The following SNRNP200 variants were observed in gnomAD, a reference collection of about 807,000 sequenced individuals.
SNRNP200 encodes U5 small nuclear ribonucleoprotein 200 kDa helicase.
In SNRNP200, 66 loss-of-function variants were observed where a neutral mutation model predicts 255.2. The observed-to-expected ratio is 0.26, with a 90% CI of 0.21 to 0.32. The LOEUF (loss-of-function observed/expected upper bound fraction) is 0.32. Ranked by LOEUF, SNRNP200 falls within the 10% of genes least tolerant of loss-of-function variation. SNRNP200 has a pLI of 1.00. For missense variants in SNRNP200, 1,585 were observed against 2,749.8 expected (o/e 0.58, Z 9.47); for synonymous variants, 939 against 1,027.8 (o/e 0.91, Z 1.65).
chr2:96,274,933 C>T lies in SNRNP200; in HGVS notation c.*79G>A. On this transcript the variant is annotated 3_prime_UTR_variant, in exon 45 of 45. Coordinates refer to ENST00000323853, the MANE Select transcript of SNRNP200 (RefSeq NM_014014.5). ...ACCTGAGGCCCACAGACCTGGTCCC[C>T]ACAACCAGGATTCCTACAATGTACA... 3 of 1,565,372 alleles carry T rather than the reference C, an allele frequency of 1.9e-6. No individual in the cohort carries two copies. The highest frequency in any genetic ancestry group is 2.6e-6 in the Non-Finnish European group (3 of 1,140,044).
chr2:96,305,244 C>A, intron 1 of SNRNP200, 149 bp downstream of exon 1: 1 of 1,067,510 alleles, frequency 9.4e-7, no homozygotes, highest in South Asian at 1.3e-5. Flanking sequence ...TTATTCACGT[C>A]ATCGTATAAC....
chr2:96,279,877 T>C, intron 35 of SNRNP200: 1 of 335,016 alleles, frequency 3.0e-6, no homozygotes, highest in Non-Finnish European at 5.8e-6. Context: ...TTCCCAAACT[T>C]TTCTCCTTTA....
rs1031745610 is a variant in SNRNP200 at position 96,283,463 on chromosome 2, A to G, written c.4763+72T>C. On this transcript the variant is annotated intron_variant, in intron 33 of 44. Transcript: ENST00000323853. The surrounding 1 kb of genome is among the most constrained non-coding windows in gnomAD (Gnocchi z 4.7). ...AACATGGGCTAACCCCACCCTCATA[A>G]AGAGGACACCCTTGGAGTAGGCCAG... is the stretch of plus-strand genomic sequence containing the variant. 1.2e-6 allele frequency: 2 copies of G among 1,612,806 alleles called. No homozygotes were observed. The highest frequency in any genetic ancestry group is 2.2e-5 in the South Asian group (2 of 91,004).
chr2:96,288,393 C>T (rs896326013), intron 24 of SNRNP200, among the ~76,000 whole-genome samples: 1 of 152,198 alleles, frequency 6.6e-6, no homozygotes, highest in Non-Finnish European at 1.5e-5. Flanking sequence ...GGGAAGCAGA[C>T]ACTGCGTGCT....
chr2:96,304,708 G>A lies in SNRNP200; in HGVS notation c.206C>T (p.Ala69Val). 6.2e-7 allele frequency: 1 copy of A among 1,614,052 alleles called. No individual in the cohort carries two copies. Among genetic ancestry groups the A allele is most frequent in the Non-Finnish European group, 8.5e-7 (1 of 1,179,952 alleles). ...ATAGTATCCCCTTGGCACTCACTTGGCTCTTCTTTCCTCCTGCATCTGCGG... is the reference window on the plus strand; with the variant it reads ...ATAGTATCCCCTTGGCACTCACTTGACTCTTCTTTCCTCCTGCATCTGCGG... Reference protein sequence around the residue: ...TKPQMQEERRAKRRKRDEDRH... With the variant: ...TKPQMQEERRVKRRKRDEDRH... Residue 69 changes from alanine to valine, a missense_variant, in exon 2 of 45, where the codon GCC becomes GTC. Physicochemically the swap from Ala to Val is moderately conservative, Grantham distance 64. Coordinates refer to ENST00000323853, the MANE Select transcript of SNRNP200 (RefSeq NM_014014.5).
At chr2:96,285,520 C>G in intron 29 of SNRNP200, 180 bp from the exon 30 acceptor site, 1 of 665,048 alleles carries the variant, frequency 1.5e-6, no homozygotes, top group South Asian at 1.7e-5. Flanking sequence ...ACTGTACCCC[C>G]TTACCTGCTC....
chr2:96,289,314 G>A lies in SNRNP200; in HGVS notation c.3006C>T (p.Asn1002=). The change falls in exon 22 of 45, where the codon AAC becomes AAT. Residue 1002 remains asparagine (N), a synonymous_variant. Transcript: ENST00000323853. ...YITNDTVQTY[N]QLLKPTLSEI... is the part of the protein sequence containing the mutation. The stretch of plus-strand genomic sequence containing the variant: ...CACTCAGGGTGGGCTTCAGCAGCTG[G>A]TTGTAAGTCTGCACTGTATCATTGG... The A allele has an allele frequency of 6.2e-7, 1 of 1,614,204 alleles. No homozygotes were observed. Among genetic ancestry groups the A allele is most frequent in the Non-Finnish European group, 8.5e-7 (1 of 1,180,024 alleles).
chr2:96,279,832 A>C, intron 35 of SNRNP200: 1 of 397,236 alleles, frequency 2.5e-6, no homozygotes, highest in Non-Finnish European at 4.7e-6. Flanking sequence ...AACCAAAATA[A>C]CTCCCTATTC....
At position 96,295,544 on chromosome 2, in the gene SNRNP200, T is replaced by G; in HGVS notation, c.1786A>C (p.Ile596Leu). ...IVCTPEKWDI[I>L]TRKGGERTYT... ...GTGCGCTCACCACCCTTGCGGGTGA[T>G]GATGTCCCACTTCTCGGGGGTGCAG... Residue 596 changes from isoleucine (I) to leucine (L), a missense_variant, in exon 14 of 45, where the codon ATC becomes CTC. Ile to Leu is a conservative substitution (Grantham distance 5). This residue lies in a region of SNRNP200 where 56 missense variants were observed against 77.4 expected (regional missense o/e 0.72). Transcript: ENST00000323853. 6.2e-7 allele frequency: 1 copy of G among 1,613,824 alleles called. No individual in the cohort carries two copies. Among genetic ancestry groups the G allele is most frequent in the South Asian group, 1.1e-5 (1 of 91,062 alleles).
rs1292067432 is a variant in SNRNP200, at chr2:96,274,459, C to T, written c.*553G>A. Reference sequence around the variant, plus strand: ...TTTCAGAACCCCCATCTAGAGAAACCCCTAACCTGTGATCTAGCTTCCGAG... The same window carrying T: ...TTTCAGAACCCCCATCTAGAGAAACTCCTAACCTGTGATCTAGCTTCCGAG... On this transcript the variant is annotated 3_prime_UTR_variant, in exon 45 of 45. Transcript: ENST00000323853. The T allele has an allele frequency of 6.0e-6, 1 of 167,600 alleles. No homozygotes were observed. The highest frequency in any genetic ancestry group is 1.3e-5 in the Non-Finnish European group (1 of 76,664). The allele number at this position is 167,600 out of a possible 1,614,324, so 10.4% of individuals were successfully genotyped here.
rs1684692724 is a variant in SNRNP200, at chr2:96,277,780, C to CA, written c.5754+26_5754+27insT. 6.2e-7 allele frequency: 1 copy of CA among 1,614,086 alleles called. No homozygotes were observed. Among genetic ancestry groups the CA allele is most frequent in the African/African-American group, 1.3e-5 (1 of 74,938 alleles). On this transcript the variant is annotated intron_variant, in intron 40 of 44. Transcript: ENST00000323853. This position sits in a 1 kb window ranked among gnomAD's most constrained non-coding sequence, Gnocchi z 4.4. ...GCTGAGATGTTTAGAGCACCACTGA[C>CA]CCCTCTGCCCCACACCCACACTCTA...
At chr2:96,292,131 C>T (rs1379218437) in intron 16 of SNRNP200, among the ~76,000 whole-genome samples, 1 of 152,216 alleles carries the variant, frequency 6.6e-6, no homozygotes, top group Non-Finnish European at 1.5e-5. Flanking sequence ...CCAACTTCAA[C>T]ATCCTATCTT....
chr2:96,294,982 G>A (rs915634798), intron 14 of SNRNP200, among the ~76,000 whole-genome samples: 11 of 152,170 alleles, frequency 7.2e-5, no homozygotes, highest in Admixed American at 3.3e-4. Context: ...AGGCTGAGGT[G>A]GGTAGATCAC....
At chr2:96,303,478 G>T in intron 2 of SNRNP200, 148 bp from the exon 3 acceptor site, 2 of 988,342 alleles carry the variant, frequency 2.0e-6, no homozygotes, top group Non-Finnish European at 3.2e-6. Flanking sequence ...GATTCCGTTT[G>T]GCCTTAATCA....
At position 96,289,327 on chromosome 2, in the gene SNRNP200, A is replaced by G; in HGVS notation, c.2993T>C (p.Val998Ala). The G allele has an allele frequency of 1.2e-6, 2 of 1,614,220 alleles. No individual in the cohort carries two copies. The highest frequency in any genetic ancestry group is 1.7e-6 in the Non-Finnish European group (2 of 1,180,030). ...ASHYYITNDTVQTYNQLLKPT... is the reference protein window; with the variant it reads ...ASHYYITNDTAQTYNQLLKPT... Reference sequence around the variant, plus strand: ...CTTCAGCAGCTGGTTGTAAGTCTGCACTGTATCATTGGTGATGTAGTAGTG... The same window carrying G: ...CTTCAGCAGCTGGTTGTAAGTCTGCGCTGTATCATTGGTGATGTAGTAGTG... The change falls in exon 22 of 45, where the codon GTG (valine) becomes GCG (alanine). Residue 998 changes from valine to alanine, a missense_variant. Physicochemically the swap from Val to Ala is moderately conservative, Grantham distance 64. Coordinates refer to ENST00000323853, the MANE Select transcript of SNRNP200 (RefSeq NM_014014.5).
In SNRNP200 at chr2:96,291,204, C is replaced by T. The variant is rs746350531; in HGVS notation, c.2421+188G>A. Reference sequence around the variant, plus strand: ...TATGCTTCTCAGACTATCCTAAACTCAAGCAAGGTGGGAAGAGTTGGGAGA... The same window carrying T: ...TATGCTTCTCAGACTATCCTAAACTTAAGCAAGGTGGGAAGAGTTGGGAGA... On this transcript the variant is annotated intron_variant, in intron 18 of 44. Coordinates refer to ENST00000323853, the MANE Select transcript of SNRNP200 (RefSeq NM_014014.5). The surrounding 1 kb of genome is among the most constrained non-coding windows in gnomAD (Gnocchi z 4.2). Among the ~76,000 whole-genome samples, 14 of 152,136 alleles carry T rather than the reference C, an allele frequency of 9.2e-5. No homozygotes were observed. Among genetic ancestry groups the T allele is most frequent in the Non-Finnish European group, 1.8e-4 (12 of 68,016 alleles).
intron 34 of SNRNP200, chr2:96,282,393 C>A (rs1378881339): frequency 5.2e-6 from 1 of 190,590 alleles, no homozygotes; most frequent in Non-Finnish European, 1.1e-5. Flanking sequence ...AATCTTTGCA[C>A]AAAATGCCAC....
chr2:96,282,098 C>G (rs1228384511), intron 34 of SNRNP200, 176 bp from the exon 35 acceptor site: 1 of 603,732 alleles, frequency 1.7e-6, no homozygotes, highest in Non-Finnish European at 3.0e-6. Flanking sequence ...GAGGTAGCTC[C>G]ACGCTGCTGG....
chr2:96,285,567 G>A (rs979836479), intron 29 of SNRNP200, among the ~76,000 whole-genome samples: 1 of 152,240 alleles, frequency 6.6e-6, no homozygotes, highest in African/African-American at 2.4e-5. Flanking sequence ...CCAAGATCAA[G>A]AGCCCAGGTC....
Sources: gnomAD v4.1 joint callset for allele counts (sites outside exome capture counted in the v4.1 genomes callset) on GRCh38, gnomAD v4.1.1 for gene constraint, gnomAD v4.1.1 regional missense constraint, Gnocchi (gnomAD v3.1) non-coding constraint, MANE v1.5 for transcripts, NCBI Gene and HGNC (gene_info 2026-07-23, HGNC 2026-07-21) for gene names.